The following DSCAM variants were observed in gnomAD, a reference collection of about 807,000 sequenced individuals.
DSCAM encodes the protein DS cell adhesion molecule.
Under a neutral mutation model 217.7 loss-of-function variants are expected in DSCAM, and 47 were observed. The ratio of observed to expected loss-of-function variants is 0.22; its 90% confidence interval spans 0.17 to 0.28. The LOEUF is 0.28. DSCAM is among the 10% of genes least tolerant of loss of function. The probability of loss-of-function intolerance (pLI) is 1.00; values close to 1 mark genes in which losing one functional copy is unlikely to be tolerated. For missense variants in DSCAM, 2,080 were observed against 2,618.3 expected (o/e 0.79, Z 4.49); for synonymous variants, 1,056 against 1,015.3 (o/e 1.04, Z -0.76).
chr21:40,111,210 T>G (rs2089894965), intron 20 of DSCAM, among the ~76,000 whole-genome samples: 1 of 152,230 alleles, frequency 6.6e-6, no homozygotes, highest in South Asian at 2.1e-4. Context: ...GACTAAGAGC[T>G]GATCTCTCAG....
At chr21:40,430,329 G>A (rs546575039) in intron 3 of DSCAM, among the ~76,000 whole-genome samples, 27 of 152,330 alleles carry the variant, frequency 1.8e-4, no homozygotes, top group African/African-American at 5.8e-4. Context: ...TGACAAAGGA[G>A]ATTAACATTT....
chr21:40,637,614 TAAATATATA>T (rs1568955248), intron 3 of DSCAM, among the ~76,000 whole-genome samples: 559 of 41,620 alleles, frequency 0.013, 37 homozygotes, highest in African/African-American at 0.042. Context: ...TAAATATATA[TAAATATATA>T]CATATATAAA....
At chr21:40,844,449 G>A (rs1346355515) in intron 1 of DSCAM, among the ~76,000 whole-genome samples, 2 of 152,080 alleles carry the variant, frequency 1.3e-5, no homozygotes, top group East Asian at 1.9e-4. Flanking sequence ...ATCAGAATAC[G>A]TAATACAGCA....
At position 40,767,376 on chromosome 21, in the gene DSCAM, A is replaced by G. The variant is rs149821257; in HGVS notation, c.44-58605T>C. On this transcript the variant is annotated intron_variant, in intron 1 of 32. Coordinates refer to ENST00000400454, the MANE Select transcript of DSCAM (RefSeq NM_001389.5). ...CTGGCAGTAACTTCGGGCCCACATC[A>G]CTTTGGGCAAAACACACAGACAAGC... Among the ~76,000 whole-genome samples the G allele has an allele frequency of 7.5e-3, 1,139 of 152,264 alleles. 16 individuals are homozygous for G. The highest frequency in any genetic ancestry group is 0.026 in the African/African-American group (1,085 of 41,556).
chr21:40,499,057 C>T (rs965994382), intron 3 of DSCAM, among the ~76,000 whole-genome samples: 2 of 151,494 alleles, frequency 1.3e-5, no homozygotes, highest in African/African-American at 4.8e-5. Flanking sequence ...AGTAATAATT[C>T]CTGAAAAAAA....
chr21:40,057,988 T>A (rs1341887336), intron 28 of DSCAM, among the ~76,000 whole-genome samples: 1 of 150,344 alleles, frequency 6.7e-6, no homozygotes, highest in African/African-American at 2.5e-5. Flanking sequence ...CCATTCTCCT[T>A]CCTCAGCCTC....
intron 3 of DSCAM, among the ~76,000 whole-genome samples, chr21:40,610,417 C>G (rs1375039944): frequency 1.3e-5 from 2 of 152,342 alleles, no homozygotes; most frequent in East Asian, 3.9e-4. Flanking sequence ...GTAAAGAGCC[C>G]AGCACGGGCT....
At chr21:40,539,534 T>C (rs1188270596) in intron 3 of DSCAM, among the ~76,000 whole-genome samples, 1 of 151,930 alleles carries the variant, frequency 6.6e-6, no homozygotes, top group Non-Finnish European at 1.5e-5. Flanking sequence ...AAATTGGGAT[T>C]TCCAGTGAAA....
chr21:40,574,393 T>C (rs1568914988), intron 3 of DSCAM, among the ~76,000 whole-genome samples: 1 of 152,110 alleles, frequency 6.6e-6, no homozygotes, highest in Non-Finnish European at 1.5e-5. Context: ...TCTCAATACA[T>C]GTAGAAAAAG....
At chr21:40,547,927 GCCC>G (rs1477850603) in intron 3 of DSCAM, among the ~76,000 whole-genome samples, 1 of 152,170 alleles carries the variant, frequency 6.6e-6, no homozygotes, top group African/African-American at 2.4e-5. Flanking sequence ...GTGTCCCGCA[GCCC>G]CCCAAATTGG....
At chr21:40,353,213 G>A (rs1381329594) in intron 5 of DSCAM, among the ~76,000 whole-genome samples, 1 of 152,168 alleles carries the variant, frequency 6.6e-6, no homozygotes, top group African/African-American at 2.4e-5. Flanking sequence ...GTGGCCTAAT[G>A]GAAATCACAG....
At chr21:40,485,402 C>T (rs1247539587) in intron 3 of DSCAM, among the ~76,000 whole-genome samples, 1 of 151,930 alleles carries the variant, frequency 6.6e-6, no homozygotes, top group African/African-American at 2.4e-5. Context: ...GCCACCGCGC[C>T]CGGCTAATTT....
intron 3 of DSCAM, among the ~76,000 whole-genome samples, chr21:40,637,274 T>A (rs188869161): frequency 7.0e-4 from 3 of 4,260 alleles, no homozygotes; most frequent in Admixed American, 6.6e-3. Flanking sequence ...AATATAAATA[T>A]ATATATATAA....
At chr21:40,145,516 T>G (rs1306458754) in intron 16 of DSCAM, among the ~76,000 whole-genome samples, 1 of 152,128 alleles carries the variant, frequency 6.6e-6, no homozygotes, top group Non-Finnish European at 1.5e-5. Context: ...TTTAGGCTGA[T>G]GCGTAGGACT....
chr21:40,827,445 G>A (rs79908646), intron 1 of DSCAM, among the ~76,000 whole-genome samples: 2,865 of 135,968 alleles, frequency 0.021, 46 homozygotes, highest in Non-Finnish European at 0.031. Flanking sequence ...TGCCAGCCTA[G>A]GCCACAGAGT....
chr21:40,071,312 TTAGAG>T (rs1325359714), intron 27 of DSCAM, among the ~76,000 whole-genome samples: 1 of 152,144 alleles, frequency 6.6e-6, no homozygotes, highest in East Asian at 1.9e-4. Context: ...TGCAGGCAAT[TTAGAG>T]TTTAGGAGGT....
intron 3 of DSCAM, among the ~76,000 whole-genome samples, chr21:40,586,063 G>T (rs1367932187): frequency 6.6e-6 from 1 of 152,150 alleles, no homozygotes; most frequent in Non-Finnish European, 1.5e-5. Flanking sequence ...CACCATGTTG[G>T]ACAGGCTGGT....
At chr21:40,232,422 A>G (rs1177511447) in intron 11 of DSCAM, among the ~76,000 whole-genome samples, 3 of 152,148 alleles carry the variant, frequency 2.0e-5, no homozygotes, top group African/African-American at 4.8e-5. Context: ...CCTTTGATAC[A>G]CCTTAGAACA....
chr21:40,788,205 C>T lies in DSCAM; in HGVS notation c.43+58414G>A, dbSNP rs112109805. Among the ~76,000 whole-genome samples the T allele has an allele frequency of 4.0e-3, 602 of 152,326 alleles. 2 individuals carry two copies. The highest frequency in any genetic ancestry group is 0.013 in the African/African-American group (548 of 41,570). ...AAACATTATGACTCAAGTAGACCTA[C>T]ACTTCTTTTCTGAAACTAGATTTCT... On this transcript the variant is annotated intron_variant, in intron 1 of 32. Transcript: ENST00000400454.
Sources: allele counts gnomAD v4.1 joint callset (sites outside exome capture counted in the v4.1 genomes callset), GRCh38; gene constraint gnomAD v4.1.1; transcripts MANE v1.5; gene names NCBI Gene and HGNC (gene_info 2026-07-23, HGNC 2026-07-21).